ZCCHC7: variants seen among roughly 807,000 people sequenced by gnomAD.
The protein encoded by ZCCHC7 is zinc finger CCHC domain-containing protein 7.
A neutral mutation model predicts 52.0 loss-of-function variants in ZCCHC7; 35 were observed. The ratio of observed to expected loss-of-function variants is 0.67; its 90% CI spans 0.51 to 0.89. The LOEUF (loss-of-function observed/expected upper bound fraction) is 0.89, where lower values mean the gene tolerates loss of function less well. Among genes scored for constraint, ZCCHC7 ranks in the 40% least tolerant of loss-of-function variants. The pLI is 0.00. For synonymous variants in ZCCHC7, 217 were observed against 221.5 expected (o/e 0.98, Z 0.18); for missense variants, 574 against 649.1 (o/e 0.88, Z 1.26).
chr9:37,196,160 G>A (rs1823275073), intron 2 of ZCCHC7, among the ~76,000 whole-genome samples: 2 of 152,106 alleles, frequency 1.3e-5, no homozygotes, highest in Non-Finnish European at 2.9e-5. Flanking sequence ...ATCAAATAAT[G>A]TGCCAGTTTT....
At chr9:37,197,690 C>T (rs1240647714) in intron 2 of ZCCHC7, among the ~76,000 whole-genome samples, 2 of 152,204 alleles carry the variant, frequency 1.3e-5, no homozygotes, top group East Asian at 1.9e-4. Flanking sequence ...ATTTCCTATG[C>T]AGGAGTCCTC....
intron 2 of ZCCHC7, among the ~76,000 whole-genome samples, chr9:37,265,533 T>G (rs1256807696): frequency 6.6e-6 from 1 of 152,230 alleles, no homozygotes; most frequent in Non-Finnish European, 1.5e-5. Context: ...GTCTTGTTTA[T>G]GTTTCTCTGA....
At chr9:37,169,292 C>T (rs558475707) in intron 2 of ZCCHC7, among the ~76,000 whole-genome samples, 2 of 152,300 alleles carry the variant, frequency 1.3e-5, no homozygotes, top group Non-Finnish European at 2.9e-5. Flanking sequence ...AGGAAGGCAG[C>T]TATTTGTTGA....
At chr9:37,151,250 G>C (rs897183194) in intron 2 of ZCCHC7, among the ~76,000 whole-genome samples, 9 of 152,186 alleles carry the variant, frequency 5.9e-5, no homozygotes, top group African/African-American at 2.2e-4. Context: ...ACAGGCGTGA[G>C]CCACCGTGCC....
At chr9:37,201,921 C>T (rs955896248) in intron 2 of ZCCHC7, among the ~76,000 whole-genome samples, 2 of 152,168 alleles carry the variant, frequency 1.3e-5, no homozygotes, top group African/African-American at 2.4e-5. Context: ...TCTCAACTTA[C>T]GCATCCTAAA....
At chr9:37,215,206 C>T (rs1824441255) in intron 2 of ZCCHC7, among the ~76,000 whole-genome samples, 2 of 151,984 alleles carry the variant, frequency 1.3e-5, no homozygotes, top group Non-Finnish European at 2.9e-5. Flanking sequence ...TTTAATGCTT[C>T]CTTGGTAAAA....
In ZCCHC7 at chr9:37,253,685, C is replaced by T. The variant is rs145661581; in HGVS notation, c.611-48503C>T. Among the ~76,000 whole-genome samples, 1,075 of 151,974 alleles carry T rather than the reference C, an allele frequency of 7.1e-3. 9 individuals carry two copies. The highest frequency in any genetic ancestry group is 7.9e-3 in the Non-Finnish European group (537 of 67,850). On this transcript the variant is annotated intron_variant, in intron 2 of 8. Transcript: ENST00000336755. ...TATCACTTTGGTCTTTGATTCATTA[C>T]AGGTAACATGAATATGAGAGGGAAT...
At chr9:37,236,429 T>G (rs1450994297) in intron 2 of ZCCHC7, among the ~76,000 whole-genome samples, 2 of 151,998 alleles carry the variant, frequency 1.3e-5, no homozygotes, top group African/African-American at 4.8e-5. Flanking sequence ...TTTTGCTCTG[T>G]TGCCCAGGCT....
At chr9:37,204,184 T>C (rs1307578175) in intron 2 of ZCCHC7, among the ~76,000 whole-genome samples, 6 of 152,232 alleles carry the variant, frequency 3.9e-5, no homozygotes, top group Admixed American at 3.9e-4. Flanking sequence ...TTGTTTAAGT[T>C]CTTTGTAAAT....
intron 2 of ZCCHC7, among the ~76,000 whole-genome samples, chr9:37,266,338 C>G (rs1002351191): frequency 3.9e-5 from 6 of 152,214 alleles, no homozygotes; most frequent in East Asian, 1.9e-4. Context: ...AACTATGAAA[C>G]TCAGAGGAGC....
At chr9:37,289,635 C>G (rs1828434766) in intron 2 of ZCCHC7, among the ~76,000 whole-genome samples, 1 of 152,176 alleles carries the variant, frequency 6.6e-6, no homozygotes, top group Admixed American at 6.5e-5. Flanking sequence ...CCCTTCCCAT[C>G]TATTTTTTCT....
chr9:37,303,728 A>G (rs931998681), intron 3 of ZCCHC7, among the ~76,000 whole-genome samples: 2 of 142,234 alleles, frequency 1.4e-5, no homozygotes, highest in Non-Finnish European at 3.0e-5. Flanking sequence ...CAATGGCACA[A>G]TCTCGGCTCA....
intron 5 of ZCCHC7, among the ~76,000 whole-genome samples, chr9:37,318,933 ACT>A (rs1385576400): frequency 6.0e-5 from 8 of 132,236 alleles, no homozygotes; most frequent in African/African-American, 2.3e-4. Flanking sequence ...ACAGAGTGAG[ACT>A]CTGTCTCAAA....
intron 2 of ZCCHC7, among the ~76,000 whole-genome samples, chr9:37,138,388 T>C (rs1843084278): frequency 6.6e-6 from 1 of 152,306 alleles, no homozygotes; most frequent in South Asian, 2.1e-4. Flanking sequence ...AATGTTGATA[T>C]TGTATATCAC....
chr9:37,246,288 T>A (rs1180940451), intron 2 of ZCCHC7, among the ~76,000 whole-genome samples: 1 of 152,090 alleles, frequency 6.6e-6, no homozygotes, highest in African/African-American at 2.4e-5. Flanking sequence ...GAACTGGATA[T>A]ATGAATATAG....
At chr9:37,256,697 C>G (rs1025186784) in intron 2 of ZCCHC7, among the ~76,000 whole-genome samples, 2 of 152,008 alleles carry the variant, frequency 1.3e-5, no homozygotes, top group African/African-American at 4.8e-5. Flanking sequence ...TCCACATGAC[C>G]CATTCATTAT....
chr9:37,245,342 A>G (rs938357782), intron 2 of ZCCHC7, among the ~76,000 whole-genome samples: 2 of 152,034 alleles, frequency 1.3e-5, no homozygotes, highest in African/African-American at 4.8e-5. Context: ...ATTTTTAAAA[A>G]TTAAAAGACT....
chr9:37,245,778 C>T (rs1289831428), intron 2 of ZCCHC7, among the ~76,000 whole-genome samples: 1 of 151,938 alleles, frequency 6.6e-6, no homozygotes, highest in Non-Finnish European at 1.5e-5. Context: ...TTAAAATAAG[C>T]TAAACAGAGG....
intron 2 of ZCCHC7, among the ~76,000 whole-genome samples, chr9:37,153,030 TG>T (rs1820615715): frequency 6.6e-6 from 1 of 152,206 alleles, no homozygotes; most frequent in Non-Finnish European, 1.5e-5. Flanking sequence ...AGTACTTTAT[TG>T]TGTTGCTTAA....
Sources: gnomAD v4.1 joint callset for allele counts (sites outside exome capture counted in the v4.1 genomes callset) on GRCh38, gnomAD v4.1.1 for gene constraint, MANE v1.5 for transcripts, NCBI Gene and HGNC (gene_info 2026-07-23, HGNC 2026-07-21) for gene names.